The following GALNT18 variants were observed in gnomAD, a reference collection of about 807,000 sequenced individuals.
GALNT18 encodes the protein polypeptide N-acetylgalactosaminyltransferase 18.
In GALNT18, 44 loss-of-function variants were observed where a neutral mutation model predicts 69.5. The observed-to-expected ratio is 0.63, with a 90% CI of 0.50 to 0.81. GALNT18 has a LOEUF of 0.81. GALNT18 is among the 40% of genes least tolerant of loss of function. The probability of loss-of-function intolerance (pLI) is 0.00; values close to 1 mark genes in which losing one functional copy is unlikely to be tolerated. For synonymous variants in GALNT18, 364 were observed against 318.2 expected (o/e 1.14, Z -1.53); for missense variants, 715 against 810.0 (o/e 0.88, Z 1.42).
At position 11,402,392 on chromosome 11, in the gene GALNT18, A is replaced by G. The variant is rs182049236; in HGVS notation, c.596-23128T>C. On this transcript the variant is annotated intron_variant, in intron 3 of 10. Transcript: ENST00000227756. The surrounding 1 kb of genome is among the most constrained non-coding windows in gnomAD (Gnocchi z 4.0). ...AATCCATGATGACAGCTTGTCTTCA[A>G]TCATAAACTGCTTTTATCTTATTGA... is the stretch of plus-strand genomic sequence containing the variant. Among the ~76,000 whole-genome samples the G allele has an allele frequency of 1.4e-4, 21 of 152,384 alleles. No individual in the cohort carries two copies. Among genetic ancestry groups the G allele is most frequent in the Non-Finnish European group, 4.4e-5 (3 of 68,044 alleles).
intron 1 of GALNT18, among the ~76,000 whole-genome samples, chr11:11,471,292 AG>A (rs1281230046): frequency 2.6e-5 from 4 of 152,196 alleles, no homozygotes; most frequent in African/African-American, 9.7e-5. Flanking sequence ...GCACAAGAGA[AG>A]TTTGGTAAAT....
rs1859622442 is a variant in GALNT18, at chr11:11,601,063, A to G, written c.235+20296T>C. Among the ~76,000 whole-genome samples the G allele has an allele frequency of 6.6e-6, 1 of 152,086 alleles. No individual in the cohort carries two copies. The highest frequency in any genetic ancestry group is 2.4e-5 in the African/African-American group (1 of 41,420). On this transcript the variant is annotated intron_variant, in intron 1 of 10. Transcript: ENST00000227756. This position sits in a 1 kb window ranked among gnomAD's most constrained non-coding sequence, Gnocchi z 4.0. ...TCATGATGCCTTTAATTTTTTCAGC[A>G]TAGTTTCCTTTAGTTCTTTGAACAA...
chr11:11,488,757 G>C (rs1856695655), intron 1 of GALNT18, among the ~76,000 whole-genome samples: 1 of 152,140 alleles, frequency 6.6e-6, no homozygotes, highest in Admixed American at 6.5e-5. Context: ...GTAAGAGTGA[G>C]AGGGCCACTT....
rs945232620 is a variant in GALNT18 at position 11,463,603 on chromosome 11, G to A, written c.236-14667C>T. Among the ~76,000 whole-genome samples, 11 of 152,100 alleles carry A rather than the reference G, an allele frequency of 7.2e-5. No homozygotes were observed. The highest frequency in any genetic ancestry group is 1.3e-4 in the Admixed American group (2 of 15,270). On this transcript the variant is annotated intron_variant, in intron 1 of 10. Coordinates refer to ENST00000227756, the MANE Select transcript of GALNT18 (RefSeq NM_198516.3). This position sits in a 1 kb window ranked among gnomAD's most constrained non-coding sequence, Gnocchi z 4.2. ...CGTCTTTTCATTACTGTCCTAAGTCGTAAATCTCTCACCCCCAGCAGTCAC... is the reference window on the plus strand; with the variant it reads ...CGTCTTTTCATTACTGTCCTAAGTCATAAATCTCTCACCCCCAGCAGTCAC...
At chr11:11,271,764 C>T (rs150521077) in intron 10 of GALNT18, among the ~76,000 whole-genome samples, 110 of 152,322 alleles carry the variant, frequency 7.2e-4, no homozygotes, top group African/African-American at 2.4e-3. Context: ...AAGTCAGCCT[C>T]CTGGTTACTG....
Position 11,318,684 on chromosome 11 carries a change from A to T in GALNT18, c.1512+8402T>A, listed in dbSNP as rs1267559122. On this transcript the variant is annotated intron_variant, in intron 9 of 10. Transcript: ENST00000227756. This position sits in a 1 kb window ranked among gnomAD's most constrained non-coding sequence, Gnocchi z 5.1. ...AGGCTGTGACCCATAAGAGTCACTG[A>T]GTCACTAGTGGCCTGGAGTGTCCCT... Among the ~76,000 whole-genome samples the T allele has an allele frequency of 6.6e-6, 1 of 152,214 alleles. No individual in the cohort carries two copies. Among genetic ancestry groups the T allele is most frequent in the Non-Finnish European group, 1.5e-5 (1 of 68,036 alleles).
At chr11:11,386,351 C>T (rs914335893) in intron 3 of GALNT18, among the ~76,000 whole-genome samples, 6 of 152,114 alleles carry the variant, frequency 3.9e-5, no homozygotes, top group Admixed American at 3.9e-4. Flanking sequence ...CATCAGTTTT[C>T]TAGGATCATC....
intron 1 of GALNT18, among the ~76,000 whole-genome samples, chr11:11,453,735 C>G (rs545035268): frequency 6.6e-6 from 1 of 152,322 alleles, no homozygotes; most frequent in African/African-American, 2.4e-5. Flanking sequence ...CCTGCACACG[C>G]TCTCTTCCCT....
intron 10 of GALNT18, among the ~76,000 whole-genome samples, chr11:11,281,193 G>GGT (rs1464334598): frequency 3.9e-5 from 6 of 152,160 alleles, no homozygotes; most frequent in African/African-American, 1.4e-4. Context: ...TCCGGAGCCA[G>GGT]GTAGAAAGGG....
chr11:11,535,799 C>T (rs999642573), intron 1 of GALNT18, among the ~76,000 whole-genome samples: 23 of 152,204 alleles, frequency 1.5e-4, no homozygotes, highest in Non-Finnish European at 2.9e-5. Context: ...TCCCACCTTC[C>T]TCCTGCATCT....
rs1859357789 is a variant in GALNT18 at position 11,591,354 on chromosome 11, T to G, written c.235+30005A>C. ...TTCTCAGAACATATCCCCATCATTA[T>G]GTGATACATGACTGTATAGATAAAG... On this transcript the variant is annotated intron_variant, in intron 1 of 10. Transcript: ENST00000227756. The surrounding 1 kb of genome is among the most constrained non-coding windows in gnomAD (Gnocchi z 4.8). Among the ~76,000 whole-genome samples, 1 of 152,232 alleles carries G rather than the reference T, an allele frequency of 6.6e-6. No individual in the cohort carries two copies. The highest frequency in any genetic ancestry group is 2.1e-4 in the South Asian group (1 of 4,834).
chr11:11,520,683 A>C (rs1857375974), intron 1 of GALNT18, among the ~76,000 whole-genome samples: 1 of 152,178 alleles, frequency 6.6e-6, no homozygotes, highest in Non-Finnish European at 1.5e-5. Context: ...GGGCAGAGGG[A>C]GAGCCAGGCT....
At position 11,332,589 on chromosome 11, in the gene GALNT18, T is replaced by C; in HGVS notation, c.1416+105A>G. ...CGCCCGGTCCCCAGGCCTACTGCAG[T>C]TCTTCATGTGAGCAGCTGAGAGGCT... On this transcript the variant is annotated intron_variant, in intron 8 of 10. Transcript: ENST00000227756. The surrounding 1 kb of genome is among the most constrained non-coding windows in gnomAD (Gnocchi z 4.3). The C allele has an allele frequency of 7.4e-7, 1 of 1,349,482 alleles. No individual in the cohort carries two copies. The highest frequency in any genetic ancestry group is 1.0e-6 in the Non-Finnish European group (1 of 968,362). The allele number at this position is 1,349,482 out of a possible 1,614,324, so 83.6% of individuals were successfully genotyped here.
At chr11:11,308,900 C>A (rs567177142) in intron 9 of GALNT18, among the ~76,000 whole-genome samples, 2 of 152,184 alleles carry the variant, frequency 1.3e-5, no homozygotes, top group Non-Finnish European at 2.9e-5. Context: ...AGCCCACCCA[C>A]ACCTAGACCC....
intron 1 of GALNT18, among the ~76,000 whole-genome samples, chr11:11,570,450 C>CCCCTG (rs1284169034): frequency 5.9e-5 from 9 of 152,256 alleles, no homozygotes; most frequent in Non-Finnish European, 1.0e-4. Flanking sequence ...GGCCGTCCGG[C>CCCCTG]CCCTGCCCTG....
chr11:11,274,064 C>G (rs1848884197), intron 10 of GALNT18, among the ~76,000 whole-genome samples: 1 of 152,096 alleles, frequency 6.6e-6, no homozygotes, highest in South Asian at 2.1e-4. Flanking sequence ...TATCGCCTCA[C>G]CTGGGAAGTG....
Position 11,344,790 on chromosome 11 carries a change from C to G in GALNT18, c.1093-3786G>C, listed in dbSNP as rs562310927. Among the ~76,000 whole-genome samples the G allele has an allele frequency of 3.3e-5, 5 of 152,176 alleles. No individual in the cohort carries two copies. In the South Asian group the frequency reaches 1.0e-3, roughly 32 times the overall value. On this transcript the variant is annotated intron_variant, in intron 6 of 10. Transcript: ENST00000227756. The stretch of plus-strand genomic sequence containing the variant: ...ATGGCGGTCAAGGAAGCAAAGACAC[C>G]CTGAACATGGGGACAGGCCATCTGG...
At chr11:11,422,166 A>G (rs1855025147) in intron 3 of GALNT18, among the ~76,000 whole-genome samples, 1 of 152,260 alleles carries the variant, frequency 6.6e-6, no homozygotes, top group Non-Finnish European at 1.5e-5. Context: ...CAATACTCAG[A>G]GTAGCCAGAA....
Position 11,340,733 on chromosome 11 carries a change from C to A in GALNT18, c.1278+86G>T. The A allele has an allele frequency of 7.7e-7, 1 of 1,291,324 alleles. No homozygotes were observed. The highest frequency in any genetic ancestry group is 1.1e-6 in the Non-Finnish European group (1 of 930,114). The allele number at this position is 1,291,324 out of a possible 1,614,324, so 80.0% of individuals were successfully genotyped here. A position where few individuals can be genotyped will look rare whatever the true frequency, so the allele number is the denominator to read the frequency against. ...ATGGCAAACAGGACTCTGGCTGACC[C>A]ATAGGAAGAAGGGTTCGGTCCCATA... On this transcript the variant is annotated intron_variant, in intron 7 of 10. Transcript: ENST00000227756. The surrounding 1 kb of genome is among the most constrained non-coding windows in gnomAD (Gnocchi z 4.2).
Sources: gnomAD v4.1 joint callset for allele counts (sites outside exome capture counted in the v4.1 genomes callset) on GRCh38, gnomAD v4.1.1 for gene constraint, Gnocchi (gnomAD v3.1) non-coding constraint, MANE v1.5 for transcripts, NCBI Gene and HGNC (gene_info 2026-07-23, HGNC 2026-07-21) for gene names.